The following ZDHHC21 variants were observed in gnomAD, a reference collection of about 807,000 sequenced individuals.
ZDHHC21 encodes the protein palmitoyltransferase ZDHHC21.
In ZDHHC21, 15 loss-of-function variants were observed where a neutral mutation model predicts 34.6. The ratio of observed to expected loss-of-function variants is 0.43; its 90% CI spans 0.29 to 0.67. The LOEUF (loss-of-function observed/expected upper bound fraction) is 0.67, where lower values mean the gene tolerates loss of function less well. Among genes scored for constraint, ZDHHC21 ranks in the 30% least tolerant of loss-of-function variants. The pLI is 0.14. For missense variants in ZDHHC21, 344 were observed against 327.7 expected (o/e 1.05, Z -0.38); for synonymous variants, 142 against 101.8 (o/e 1.40, Z -2.38).
intron 2 of ZDHHC21, among the ~76,000 whole-genome samples, chr9:14,688,760 GCT>G (rs1457214234): frequency 6.6e-6 from 1 of 152,180 alleles, no homozygotes; most frequent in Non-Finnish European, 1.5e-5. Flanking sequence ...TACTCGGGAG[GCT>G]GAGACAGGAG....
chr9:14,658,885 A>T lies in ZDHHC21; in HGVS notation c.368T>A (p.Ile123Asn). 6.3e-7 allele frequency: 1 copy of T among 1,599,560 alleles called. No homozygotes were observed. Among genetic ancestry groups the T allele is most frequent in the Non-Finnish European group, 8.5e-7 (1 of 1,176,102 alleles). Residue 123 changes from isoleucine to asparagine, a missense_variant and splice_region_variant, in exon 7 of 10, where the codon ATT becomes AAT. Physicochemically the swap from Ile to Asn is moderately radical, Grantham distance 149 (BLOSUM62 -3). Coordinates refer to ENST00000380916, the MANE Select transcript of ZDHHC21 (RefSeq NM_178566.6). ...VRRMDHHCPW[I>N]NNCVGEDNHW... Reference sequence around the variant, plus strand: ...ATTATCTTCACCAACACAATTGTTAATCCTAAAGAAAAAAAATGAAAAAGA... The same window carrying T: ...ATTATCTTCACCAACACAATTGTTATTCCTAAAGAAAAAAAATGAAAAAGA...
chr9:14,668,611 G>A (rs1250544774), intron 5 of ZDHHC21, among the ~76,000 whole-genome samples: 2 of 151,626 alleles, frequency 1.3e-5, no homozygotes, highest in Non-Finnish European at 2.9e-5. Flanking sequence ...ATACAACAAG[G>A]CTACAGTAAC....
At chr9:14,607,675 G>T (rs1365869493), downstream of ZDHHC21, among the ~76,000 whole-genome samples, 1 of 151,958 alleles carries the variant, frequency 6.6e-6, no homozygotes, top group East Asian at 1.9e-4. Flanking sequence ...GAAGGGTTAT[G>T]TAAATTTTAA....
downstream of ZDHHC21, among the ~76,000 whole-genome samples, chr9:14,608,779 C>G (rs1448321366): frequency 6.6e-6 from 1 of 151,812 alleles, no homozygotes; most frequent in East Asian, 1.9e-4. Flanking sequence ...ATAATTGCTG[C>G]TCATATGGGT....
chr9:14,606,314 CAT>C (rs1014577822), downstream of ZDHHC21, among the ~76,000 whole-genome samples: 1 of 152,152 alleles, frequency 6.6e-6, no homozygotes, highest in African/African-American at 2.4e-5. Flanking sequence ...CAAAAAGTGA[CAT>C]AGTTTCTTTC....
At chr9:14,650,564 C>T (rs1831066977) in intron 7 of ZDHHC21, among the ~76,000 whole-genome samples, 1 of 151,884 alleles carries the variant, frequency 6.6e-6, no homozygotes, top group African/African-American at 2.4e-5. Context: ...CAGAAGTACT[C>T]AGGCGACTTT....
chr9:14,619,797 T>C, intron 8 of ZDHHC21, 115 bp from the exon 9 acceptor site: 2 of 550,408 alleles, frequency 3.6e-6, no homozygotes, highest in Admixed American at 4.5e-5. Context: ...ATTTAAACAG[T>C]TTATATATGA....
At chr9:14,624,700 T>C (rs1053056236) in intron 8 of ZDHHC21, among the ~76,000 whole-genome samples, 12 of 151,938 alleles carry the variant, frequency 7.9e-5, no homozygotes, top group African/African-American at 2.9e-4. Flanking sequence ...AAAGTTACAA[T>C]TAGAAAGGAG....
intron 7 of ZDHHC21, among the ~76,000 whole-genome samples, chr9:14,655,633 A>G (rs1428238921): frequency 6.6e-6 from 1 of 151,948 alleles, no homozygotes; most frequent in Non-Finnish European, 1.5e-5. Context: ...TTATACTTCA[A>G]AAAAATCAGA....
In ZDHHC21 at chr9:14,615,947, CT is replaced by C. The variant is rs1824074355; in HGVS notation, c.*3018del. On this transcript the variant is annotated 3_prime_UTR_variant, in exon 10 of 10. Coordinates refer to ENST00000380916, the MANE Select transcript of ZDHHC21 (RefSeq NM_178566.6). ...ACAATTATTTTCTAATGCCCAACAC[CT>C]TTAGTTGTTTTCAGTTATCCAGAAT... The C allele has an allele frequency of 6.6e-6, 1 of 151,494 alleles. No individual in the cohort carries two copies. Among genetic ancestry groups the C allele is most frequent in the South Asian group, 2.1e-4 (1 of 4,822 alleles). 9.4% of individuals were successfully genotyped at this position (151,494 alleles called of 1,614,324 possible).
At position 14,614,712 on chromosome 9, in the gene ZDHHC21, T is replaced by C. The variant is rs1470446493; in HGVS notation, c.*4254A>G. The C allele has an allele frequency of 1.3e-5, 2 of 151,732 alleles. No homozygotes were observed. Among genetic ancestry groups the C allele is most frequent in the Non-Finnish European group, 3.0e-5 (2 of 67,720 alleles). 9.4% of individuals were successfully genotyped at this position (151,732 alleles called of 1,614,324 possible). On this transcript the variant is annotated 3_prime_UTR_variant, in exon 10 of 10. Transcript: ENST00000380916. Reference sequence around the variant, plus strand: ...ACACATTCATTAATCATACAGTTAATACTAGCAAGTAGAACACATTAAATG... The same window carrying C: ...ACACATTCATTAATCATACAGTTAACACTAGCAAGTAGAACACATTAAATG...
intron 8 of ZDHHC21, among the ~76,000 whole-genome samples, chr9:14,624,454 G>A (rs1795130461): frequency 6.6e-6 from 1 of 152,012 alleles, no homozygotes; most frequent in South Asian, 2.1e-4. Context: ...AGTAAATATG[G>A]TATATATACA....
the ZDHHC21 span, among the ~76,000 whole-genome samples, chr9:14,603,997 A>C: frequency 1.3e-5 from 2 of 152,342 alleles, no homozygotes; most frequent in African/African-American, 4.8e-5. Context: ...CGATATTTAC[A>C]AAGACTTTTT....
rs1476490214 is a variant in ZDHHC21 at position 14,614,100 on chromosome 9, T to G, written c.*4866A>C. 5.9e-5 allele frequency: 9 copies of G among 151,740 alleles called. No individual in the cohort carries two copies. Among genetic ancestry groups the G allele is most frequent in the Admixed American group, 5.9e-4 (9 of 15,190 alleles). 9.4% of individuals were successfully genotyped at this position (151,740 alleles called of 1,614,324 possible). On this transcript the variant is annotated 3_prime_UTR_variant, in exon 10 of 10. Coordinates refer to ENST00000380916, the MANE Select transcript of ZDHHC21 (RefSeq NM_178566.6). Reference sequence around the variant, plus strand: ...GCTAAAATGATTACAGCAAAGAGATTCTCTGATGTCAGAAACTGGCTCCAG... The same window carrying G: ...GCTAAAATGATTACAGCAAAGAGATGCTCTGATGTCAGAAACTGGCTCCAG...
intron 5 of ZDHHC21, among the ~76,000 whole-genome samples, chr9:14,671,062 T>C (rs528243566): frequency 2.5e-4 from 38 of 151,914 alleles, no homozygotes; most frequent in African/African-American, 8.0e-4. Context: ...CTTTAAAAAA[T>C]TAAAAGCTAA....
At chr9:14,596,920 GGA>G in the ZDHHC21 span, among the ~76,000 whole-genome samples, 2 of 152,168 alleles carry the variant, frequency 1.3e-5, no homozygotes, top group South Asian at 2.1e-4. Context: ...AGGCATGGAA[GGA>G]GAGAGAAGTG....
At chr9:14,600,184 G>A in the ZDHHC21 span, among the ~76,000 whole-genome samples, 2 of 152,102 alleles carry the variant, frequency 1.3e-5, no homozygotes, top group Admixed American at 1.3e-4. Flanking sequence ...AGAAATAAAG[G>A]GTATTCAAAT....
chr9:14,613,544 C>A lies in ZDHHC21; in HGVS notation c.*5422G>T, dbSNP rs964363552. 2 of 151,718 alleles carry A rather than the reference C, an allele frequency of 1.3e-5. No homozygotes were observed. The highest frequency in any genetic ancestry group is 3.0e-5 in the Non-Finnish European group (2 of 67,784). 9.4% of individuals were successfully genotyped at this position (151,718 alleles called of 1,614,324 possible). A position where few individuals can be genotyped will look rare whatever the true frequency, so the allele number is the denominator to read the frequency against. ...CAGGCAGGCAAAGCCACAAAAAAGC[C>A]CACAACTTCTGTTAAGCTATTTTGT... On this transcript the variant is annotated 3_prime_UTR_variant, in exon 10 of 10. Coordinates refer to ENST00000380916, the MANE Select transcript of ZDHHC21 (RefSeq NM_178566.6).
chr9:14,682,449 T>C (rs7859680), intron 2 of ZDHHC21, among the ~76,000 whole-genome samples: 13,616 of 152,156 alleles, frequency 0.089, 780 homozygotes, highest in African/African-American at 0.15. Context: ...AAGAAGGCCA[T>C]TACATAATGG....
Sources: allele counts gnomAD v4.1 joint callset (sites outside exome capture counted in the v4.1 genomes callset), GRCh38; gene constraint gnomAD v4.1.1; transcripts MANE v1.5; gene names NCBI Gene and HGNC (gene_info 2026-07-23, HGNC 2026-07-21).